Variants in ATL1 observed in about 807,000 individuals in gnomAD.
ATL1 encodes the protein atlastin GTPase 1.
A neutral mutation model predicts 75.5 loss-of-function variants in ATL1; 31 were observed. The observed-to-expected ratio is 0.41, with a 90% CI of 0.31 to 0.55. The LOEUF (loss-of-function observed/expected upper bound fraction) is 0.55. Ranked by LOEUF, ATL1 falls within the 20% of genes least tolerant of loss-of-function variation. ATL1 has a pLI of 0.27. For synonymous variants in ATL1, 226 were observed against 233.3 expected (o/e 0.97, Z 0.28); for missense variants, 405 against 662.6 (o/e 0.61, Z 4.27).
intron 10 of ATL1, among the ~76,000 whole-genome samples, chr14:50,622,752 T>C (rs2039480163): frequency 6.6e-6 from 1 of 152,108 alleles, no homozygotes. Flanking sequence ...AAAATGTAAG[T>C]TCTTAATAGT....
At chr14:50,554,764 G>T (rs2038744645) in intron 1 of ATL1, among the ~76,000 whole-genome samples, 1 of 152,180 alleles carries the variant, frequency 6.6e-6, no homozygotes, top group African/African-American at 2.4e-5. Context: ...TCCTGCTGCT[G>T]CCCAGAAGTG....
intron 12 of ATL1, among the ~76,000 whole-genome samples, chr14:50,629,583 CAA>C (rs1179543983): frequency 1.3e-4 from 15 of 112,882 alleles, no homozygotes; most frequent in Non-Finnish European, 1.6e-4. Context: ...CTCCATCTCC[CAA>C]AAAAAAAAAA....
At chr14:50,568,957 CT>C (rs964880539) in intron 1 of ATL1, among the ~76,000 whole-genome samples, 1 of 152,004 alleles carries the variant, frequency 6.6e-6, no homozygotes, top group Non-Finnish European at 1.5e-5. Context: ...AATTCTTCTC[CT>C]TTACATGTCC....
At chr14:50,607,739 A>G (rs2039328615) in intron 6 of ATL1, among the ~76,000 whole-genome samples, 1 of 152,040 alleles carries the variant, frequency 6.6e-6, no homozygotes, top group Admixed American at 6.6e-5. Flanking sequence ...AATTTCATAT[A>G]TTTATAATGG....
chr14:50,561,305 T>C (rs973890864), intron 1 of ATL1, among the ~76,000 whole-genome samples: 1 of 152,214 alleles, frequency 6.6e-6, no homozygotes. Flanking sequence ...CACCAGCATC[T>C]TAGGAACGAA....
intron 7 of ATL1, among the ~76,000 whole-genome samples, chr14:50,613,763 T>G (rs1234140179): frequency 2.6e-5 from 4 of 152,310 alleles, no homozygotes. Context: ...AAGTGCCTAC[T>G]GGGAAATCAG....
upstream of ATL1, among the ~76,000 whole-genome samples, chr14:50,558,643 A>T (rs916792370): frequency 4.9e-4 from 75 of 152,218 alleles, no homozygotes; most frequent in Admixed American, 4.6e-3. Context: ...AATTATATAA[A>T]TTTTTTCTTT....
intron 6 of ATL1, among the ~76,000 whole-genome samples, chr14:50,606,926 C>T (rs1467011165): frequency 6.6e-6 from 1 of 152,038 alleles, no homozygotes; most frequent in East Asian, 1.9e-4. Context: ...AAAATTAGGT[C>T]TTATTATTTA....
chr14:50,615,602 T>C (rs1215072928), intron 8 of ATL1, among the ~76,000 whole-genome samples: 2 of 152,182 alleles, frequency 1.3e-5, no homozygotes, highest in Admixed American at 6.5e-5. Context: ...TACCACAGAC[T>C]AGATAGCAGT....
At chr14:50,626,813 A>T (rs1298428497) in intron 11 of ATL1, among the ~76,000 whole-genome samples, 2 of 152,176 alleles carry the variant, frequency 1.3e-5, no homozygotes, top group African/African-American at 4.8e-5. Context: ...TGCTAATTAC[A>T]GTCACCCTAC....
intron 1 of ATL1, among the ~76,000 whole-genome samples, chr14:50,560,720 C>T (rs1204029268): frequency 6.6e-6 from 1 of 152,132 alleles, no homozygotes; most frequent in Non-Finnish European, 1.5e-5. Flanking sequence ...GCAGGCCAAG[C>T]CCCAACCCCC....
chr14:50,609,813 T>C (rs2039347234), intron 6 of ATL1, among the ~76,000 whole-genome samples: 1 of 151,998 alleles, frequency 6.6e-6, no homozygotes, highest in African/African-American at 2.4e-5. Flanking sequence ...CCGTTCTAGG[T>C]CTAAGGTAGG....
At chr14:50,561,818 A>G (rs2038848770) in intron 1 of ATL1, among the ~76,000 whole-genome samples, 1 of 152,156 alleles carries the variant, frequency 6.6e-6, no homozygotes. Context: ...AATTTAAGTA[A>G]GCATTTGCAG....
chr14:50,620,932 C>T (rs1340000558), intron 9 of ATL1, among the ~76,000 whole-genome samples: 1 of 152,184 alleles, frequency 6.6e-6, no homozygotes, highest in African/African-American at 2.4e-5. Context: ...GAGGAAACTA[C>T]ATATAGGTAA....
chr14:50,549,210 T>C (rs946144520), intron 1 of ATL1, among the ~76,000 whole-genome samples: 9 of 152,066 alleles, frequency 5.9e-5, no homozygotes, highest in Admixed American at 1.3e-4. Context: ...CATTGATGGG[T>C]CTAGCAAAGG....
chr14:50,632,406 G>C lies in ATL1; in HGVS notation c.*67G>C. 9.0e-7 allele frequency: 1 copy of C among 1,109,184 alleles called. No individual in the cohort carries two copies. The highest frequency in any genetic ancestry group is 1.4e-6 in the Non-Finnish European group (1 of 738,430). 68.7% of individuals were successfully genotyped at this position (1,109,184 alleles called of 1,614,324 possible). A position where few individuals can be genotyped will look rare whatever the true frequency, so the allele number is the denominator to read the frequency against. On this transcript the variant is annotated 3_prime_UTR_variant, in exon 14 of 14. Transcript: ENST00000358385. ...TAAATATTCAGTTTTATGTCTCCAT[G>C]CAAACATTCAAAGTGCTTCCATCAG...
intron 1 of ATL1, among the ~76,000 whole-genome samples, chr14:50,586,519 C>T (rs960543659): frequency 6.6e-5 from 10 of 152,212 alleles, no homozygotes; most frequent in Non-Finnish European, 1.5e-4. Flanking sequence ...CCAAAGGCCT[C>T]ATCTCTAACA....
chr14:50,602,415 G>A (rs955107882), intron 6 of ATL1, among the ~76,000 whole-genome samples: 3 of 152,118 alleles, frequency 2.0e-5, no homozygotes, highest in African/African-American at 7.2e-5. Flanking sequence ...ACCTTTAAAT[G>A]TACCCTTTGG....
upstream of ATL1, among the ~76,000 whole-genome samples, chr14:50,556,323 C>T (rs1379523948): frequency 1.3e-5 from 2 of 152,144 alleles, no homozygotes; most frequent in Non-Finnish European, 2.9e-5. Context: ...TCAAGGGATC[C>T]TCCCACCTCA....
Sources: gnomAD v4.1 joint callset for allele counts (sites outside exome capture counted in the v4.1 genomes callset) on GRCh38, gnomAD v4.1.1 for gene constraint, MANE v1.5 for transcripts, NCBI Gene and HGNC (gene_info 2026-07-23, HGNC 2026-07-21) for gene names.